ADARB2: variants seen among roughly 807,000 people sequenced by gnomAD.
ADARB2 encodes the protein inactive double-stranded RNA-specific editase B2.
ADARB2 carries 25 observed loss-of-function variants against 62.2 expected under a neutral mutation model. That is an observed-to-expected ratio of 0.40 (90% CI 0.29 to 0.56). The LOEUF (loss-of-function observed/expected upper bound fraction) is 0.56. ADARB2 is among the 20% of genes least tolerant of loss of function. The probability of loss-of-function intolerance (pLI) is 0.43; values close to 1 mark genes in which losing one functional copy is unlikely to be tolerated. For missense variants in ADARB2, 1,071 were observed against 1,077.4 expected, an observed-to-expected ratio of 0.99 and a Z score of 0.08; for synonymous variants, 572 against 500.8, an observed-to-expected ratio of 1.14 and a Z score of -1.90.
intron 8 of ADARB2, among the ~76,000 whole-genome samples, chr10:1,186,852 A>G (rs1836765755): frequency 6.6e-6 from 1 of 152,220 alleles, no homozygotes; most frequent in African/African-American, 2.4e-5. Flanking sequence ...TTCCCGCCAT[A>G]GCAGACTCCC....
At position 1,731,884 on chromosome 10, in the gene ADARB2, T is replaced by G. The variant is rs569991843; in HGVS notation, c.100+5167A>C. Among the ~76,000 whole-genome samples the G allele has an allele frequency of 3.3e-5, 5 of 152,328 alleles. No homozygotes were observed. The East Asian group carries it at 9.6e-4, about 29-fold the overall frequency. ...CATTCATTCACCTTTATTCGTATAT[T>G]CGGTTTCAAAATGGCAATAAGCACT... On this transcript the variant is annotated intron_variant, in intron 1 of 9. Coordinates refer to ENST00000381312, the MANE Select transcript of ADARB2 (RefSeq NM_018702.4).
chr10:1,308,977 G>C (rs1702972021), intron 3 of ADARB2, among the ~76,000 whole-genome samples: 1 of 152,120 alleles, frequency 6.6e-6, no homozygotes, highest in African/African-American at 2.4e-5. Context: ...AGATTCCTAA[G>C]ATTTCCTACA....
rs1050617838 is a variant in ADARB2, at chr10:1,609,743, G to A, written c.100+127308C>T. Among the ~76,000 whole-genome samples the A allele has an allele frequency of 4.6e-5, 7 of 152,338 alleles. No individual in the cohort carries two copies. The South Asian group carries it at 6.2e-4, about 14-fold the overall frequency. ...GGCGGGGCTTTAACCCACACACTGG[G>A]CTCTACTGGGCCCGGGTGAGCTGTG... On this transcript the variant is annotated intron_variant, in intron 1 of 9. Coordinates refer to ENST00000381312, the MANE Select transcript of ADARB2 (RefSeq NM_018702.4).
chr10:1,647,417 A>G (rs199658588), intron 1 of ADARB2, among the ~76,000 whole-genome samples: 1 of 148,624 alleles, frequency 6.7e-6, no homozygotes, highest in African/African-American at 2.5e-5. Context: ...GTGTGCATAT[A>G]TGTGTATACA....
rs137922892 is a variant in ADARB2 at position 1,356,430 on chromosome 10, C to T, written c.1077+6598G>A. Reference sequence around the variant, plus strand: ...TGGAGGGCTTCACAGAGAACAGAACCGCCTGGGGTGAGCTGGTGGAAAACA... The same window carrying T: ...TGGAGGGCTTCACAGAGAACAGAACTGCCTGGGGTGAGCTGGTGGAAAACA... On this transcript the variant is annotated intron_variant, in intron 3 of 9. Transcript: ENST00000381312. 5.6e-4 allele frequency among the ~76,000 whole-genome samples: 85 copies of T among 152,282 alleles called. No homozygotes were observed. In the East Asian group the frequency reaches 0.011, roughly 20 times the overall value.
chr10:1,445,028 C>T (rs986683540), intron 1 of ADARB2, among the ~76,000 whole-genome samples: 4 of 151,198 alleles, frequency 2.6e-5, no homozygotes, highest in Non-Finnish European at 4.4e-5. Flanking sequence ...ACTCACCCAT[C>T]CATTCACTCA....
intron 1 of ADARB2, among the ~76,000 whole-genome samples, chr10:1,603,096 C>T (rs573674228): frequency 3.8e-5 from 3 of 78,224 alleles, no homozygotes; most frequent in East Asian, 4.9e-4. Flanking sequence ...CACATACACA[C>T]ATCAACACAC....
intron 1 of ADARB2, among the ~76,000 whole-genome samples, chr10:1,622,818 C>T (rs1370178431): frequency 6.6e-6 from 1 of 152,150 alleles, no homozygotes. Context: ...AGTACTTCAG[C>T]ACCTAGGCAC....
intron 1 of ADARB2, among the ~76,000 whole-genome samples, chr10:1,511,402 C>T (rs182635395): frequency 1.1e-3 from 169 of 152,152 alleles, no homozygotes; most frequent in African/African-American, 4.0e-3. Flanking sequence ...AGCTCCTATT[C>T]CAGTGAGGGG....
At chr10:1,494,617 CT>C (rs146079396) in intron 1 of ADARB2, among the ~76,000 whole-genome samples, 5,134 of 151,454 alleles carry the variant, frequency 0.034, 275 homozygotes, top group African/African-American at 0.12. Flanking sequence ...TTTAGCTCCA[CT>C]TTTTTTTTGA....
intron 3 of ADARB2, among the ~76,000 whole-genome samples, chr10:1,318,482 G>A (rs1005613810): frequency 4.6e-5 from 7 of 152,226 alleles, no homozygotes; most frequent in African/African-American, 1.4e-4. Context: ...CACTCCTGGT[G>A]TGGGGAGTGG....
In ADARB2 at chr10:1,363,487, C is replaced by T. The variant is rs1433243384; in HGVS notation, c.618G>A (p.Pro206=). The T allele has an allele frequency of 6.6e-7, 1 of 1,504,632 alleles. No homozygotes were observed. The highest frequency in any genetic ancestry group is 8.8e-7 in the Non-Finnish European group (1 of 1,131,512). The allele number at this position is 1,504,632 out of a possible 1,614,324, so 93.2% of individuals were successfully genotyped here. ...CGGAGGTGAAGTCCGTGCCGGGGCCCGGGCCCCCGCCCATGGCCAGGTGCG... is the reference window on the plus strand; with the variant it reads ...CGGAGGTGAAGTCCGTGCCGGGGCCTGGGCCCCCGCCCATGGCCAGGTGCG... The part of the protein sequence containing the change: ...CQAHLAMGGG[P]GPGTDFTSDQ... The change falls in exon 3 of 10, where the codon CCG becomes CCA. Residue 206 remains proline, a synonymous_variant. Transcript: ENST00000381312.
chr10:1,593,209 C>A lies in ADARB2; in HGVS notation c.100+143842G>T, dbSNP rs866387655. Among the ~76,000 whole-genome samples the A allele has an allele frequency of 3.9e-3, 468 of 121,404 alleles. 2 individuals are homozygous for A. The highest frequency in any genetic ancestry group is 7.1e-3 in the African/African-American group (213 of 29,952). The allele number at this position is 121,404 out of a possible 152,430, so 79.6% of individuals were successfully genotyped here. A position where few individuals can be genotyped will look rare whatever the true frequency, so the allele number is the denominator to read the frequency against. On this transcript the variant is annotated intron_variant, in intron 1 of 9. Transcript: ENST00000381312. ...CCTCTGTCACCCAGCTCCCTTCGCC[C>A]AAGCCACCCTCCATAGGTCTCCTCT...
In ADARB2 at chr10:1,704,828, T is replaced by C. The variant is rs963678723; in HGVS notation, c.100+32223A>G. Among the ~76,000 whole-genome samples the C allele has an allele frequency of 6.6e-6, 1 of 152,128 alleles. No individual in the cohort carries two copies. Among genetic ancestry groups the C allele is most frequent in the African/African-American group, 2.4e-5 (1 of 41,414 alleles). ...AAGGGGCAGGGAGTATTGAGAACGG[T>C]GAGCTTGCATATGCCAGCCTGAGCC... On this transcript the variant is annotated intron_variant, in intron 1 of 9. Transcript: ENST00000381312. This position sits in a 1 kb window ranked among gnomAD's most constrained non-coding sequence, Gnocchi z 5.6.
intron 1 of ADARB2, among the ~76,000 whole-genome samples, chr10:1,719,569 A>C (rs2119163363): frequency 6.6e-6 from 1 of 152,364 alleles, no homozygotes; most frequent in East Asian, 1.9e-4. Flanking sequence ...TAAACTAAAG[A>C]GCTTCTGCGC....
At chr10:1,281,419 T>A (rs888091406) in intron 3 of ADARB2, among the ~76,000 whole-genome samples, 1 of 152,250 alleles carries the variant, frequency 6.6e-6, no homozygotes, top group African/African-American at 2.4e-5. Context: ...GATTCAGGTA[T>A]GCAATAGGAG....
intron 1 of ADARB2, among the ~76,000 whole-genome samples, chr10:1,678,959 G>A (rs1279813650): frequency 6.6e-6 from 1 of 152,170 alleles, no homozygotes; most frequent in African/African-American, 2.4e-5. Flanking sequence ...GCTCCCTCAC[G>A]GGCATTCAGG....
chr10:1,351,093 T>A (rs1347183085), intron 3 of ADARB2, among the ~76,000 whole-genome samples: 1 of 152,140 alleles, frequency 6.6e-6, no homozygotes, highest in African/African-American at 2.4e-5. Context: ...CCGTGTCCCA[T>A]CTGTGCAGGA....
chr10:1,565,253 A>T (rs1025932677), intron 1 of ADARB2, among the ~76,000 whole-genome samples: 13 of 152,168 alleles, frequency 8.5e-5, no homozygotes, highest in African/African-American at 2.7e-4. Flanking sequence ...TGGTTTCTTT[A>T]TACAAAAGAC....
Sources: gnomAD v4.1 joint callset for allele counts (sites outside exome capture counted in the v4.1 genomes callset) on GRCh38, gnomAD v4.1.1 for gene constraint, Gnocchi (gnomAD v3.1) non-coding constraint, MANE v1.5 for transcripts, NCBI Gene and HGNC (gene_info 2026-07-23, HGNC 2026-07-21) for gene names.